The following LRRC4B variants were observed in gnomAD, a reference collection of about 807,000 sequenced individuals.
LRRC4B encodes leucine-rich repeat-containing protein 4B.
A neutral mutation model predicts 7.3 loss-of-function variants in LRRC4B; 1 was observed. That is an observed-to-expected ratio of 0.14 (90% confidence interval 0.05 to 0.65). The LOEUF is 0.65. Among genes scored for constraint, LRRC4B ranks in the 30% least tolerant of loss-of-function variants. The pLI is 0.84. For missense variants in LRRC4B, 730 were observed against 1,041.6 expected (o/e 0.70, Z 4.12); for synonymous variants, 500 against 499.2 (o/e 1.00, Z -0.02).
At chr19:50,540,394 G>A (rs1292659910) in intron 2 of LRRC4B, among the ~76,000 whole-genome samples, 1 of 152,062 alleles carries the variant, frequency 6.6e-6, no homozygotes, top group Admixed American at 6.6e-5. Context: ...ACAGAGTCTT[G>A]CTCTGTTGCC....
At chr19:50,545,966 C>T (rs1203899770) in intron 2 of LRRC4B, among the ~76,000 whole-genome samples, 1 of 151,726 alleles carries the variant, frequency 6.6e-6, no homozygotes, top group Non-Finnish European at 1.5e-5. Context: ...TCAAGCAATC[C>T]ACCTGCCTCA....
chr19:50,564,812 G>T (rs1347951000), intron 1 of LRRC4B, among the ~76,000 whole-genome samples: 3 of 152,020 alleles, frequency 2.0e-5, no homozygotes, highest in Admixed American at 2.0e-4. Flanking sequence ...GTGATTGAGG[G>T]GGTGGGGACC....
At chr19:50,562,827 G>A (rs1331268807) in intron 1 of LRRC4B, among the ~76,000 whole-genome samples, 2 of 148,802 alleles carry the variant, frequency 1.3e-5, no homozygotes, top group Non-Finnish European at 3.0e-5. Flanking sequence ...TGCAACCTCT[G>A]CCTCCCGGGT....
intron 2 of LRRC4B, among the ~76,000 whole-genome samples, chr19:50,529,821 G>A (rs1316249095): frequency 6.6e-6 from 1 of 152,082 alleles, no homozygotes; most frequent in African/African-American, 2.4e-5. Flanking sequence ...AATAAATACA[G>A]AAAGAACAAA....
At position 50,529,965 on chromosome 19, in the gene LRRC4B, G is replaced by T. The variant is rs544257824; in HGVS notation, c.298-10550C>A. 2.3e-4 allele frequency among the ~76,000 whole-genome samples: 35 copies of T among 151,646 alleles called. No individual in the cohort carries two copies. In the South Asian group the frequency reaches 7.3e-3, roughly 32 times the overall value. ...CCACCCTCCCCTCCCTCCCTTCAGG[G>T]TCCCTTTTCTCAGTGGGCCCCCCCT... On this transcript the variant is annotated intron_variant, in intron 2 of 2. Transcript: ENST00000652263.
rs1303710203 is a variant in LRRC4B at position 50,548,754 on chromosome 19, G to T, written c.85C>A (p.Leu29Ile). Residue 29 changes from leucine to isoleucine, a missense_variant, in exon 2 of 3, where the codon CTC (leucine) becomes ATC (isoleucine). Leu to Ile is a conservative substitution (Grantham distance 5). Transcript: ENST00000652263. This position sits in a 1 kb window ranked among gnomAD's most constrained non-coding sequence, Gnocchi z 6.8. ...CCGGCCCCCAGGGGTGGGGAGAAGA[G>T]CCAGAGGAAGAGCAATGCCCCGTGG... ...WPHGALLFLW[L>I]FSPPLGAGGG... is the part of the protein sequence containing the mutation. The T allele has an allele frequency of 1.3e-6, 2 of 1,539,732 alleles. No homozygotes were observed. The highest frequency in any genetic ancestry group is 2.4e-5 in the South Asian group (2 of 83,814).
intron 2 of LRRC4B, among the ~76,000 whole-genome samples, chr19:50,522,939 C>T (rs1325831143): frequency 6.6e-6 from 1 of 152,250 alleles, no homozygotes; most frequent in African/African-American, 2.4e-5. Context: ...TCAAGAGTTT[C>T]ACACGAAGGA....
At chr19:50,534,231 G>A (rs991785730) in intron 2 of LRRC4B, among the ~76,000 whole-genome samples, 1 of 152,222 alleles carries the variant, frequency 6.6e-6, no homozygotes, top group African/African-American at 2.4e-5. Context: ...GGTGTACACA[G>A]ATCGTGGAGG....
At chr19:50,544,621 C>T (rs1467166295) in intron 2 of LRRC4B, among the ~76,000 whole-genome samples, 1 of 152,138 alleles carries the variant, frequency 6.6e-6, no homozygotes, top group Non-Finnish European at 1.5e-5. Context: ...GGGAGGGTGT[C>T]CGAATGCAAA....
chr19:50,526,683 T>TA (rs1397188179), intron 2 of LRRC4B, among the ~76,000 whole-genome samples: 4 of 152,076 alleles, frequency 2.6e-5, no homozygotes, highest in Non-Finnish European at 4.4e-5. Flanking sequence ...TTTCTAAAAT[T>TA]AAAAAAATTG....
At chr19:50,535,861 C>A (rs980910125) in intron 2 of LRRC4B, among the ~76,000 whole-genome samples, 1 of 152,254 alleles carries the variant, frequency 6.6e-6, no homozygotes, top group African/African-American at 2.4e-5. Flanking sequence ...CCGCCTCCCA[C>A]CCTTCCCCAC....
intron 1 of LRRC4B, among the ~76,000 whole-genome samples, chr19:50,558,613 G>A (rs1204722119): frequency 6.6e-6 from 1 of 152,248 alleles, no homozygotes; most frequent in Non-Finnish European, 1.5e-5. Context: ...AGCACTGGTG[G>A]CCACCAGCCA....
chr19:50,538,354 C>T (rs1045692651), intron 2 of LRRC4B, among the ~76,000 whole-genome samples: 11 of 152,108 alleles, frequency 7.2e-5, no homozygotes, highest in Non-Finnish European at 1.2e-4. Context: ...CGAGCCACCG[C>T]GCCCGGCCCT....
intron 2 of LRRC4B, among the ~76,000 whole-genome samples, chr19:50,525,325 G>A (rs147860940): frequency 4.6e-5 from 7 of 151,996 alleles, no homozygotes; most frequent in African/African-American, 9.6e-5. Context: ...TATCGTTGGC[G>A]TTGAGAAACT....
chr19:50,561,439 A>G (rs1473978546), intron 1 of LRRC4B, among the ~76,000 whole-genome samples: 2 of 152,134 alleles, frequency 1.3e-5, no homozygotes, highest in Non-Finnish European at 2.9e-5. Flanking sequence ...CAATGCCTTC[A>G]AAAGTCTAGA....
chr19:50,521,321 A>T (rs990611917), intron 2 of LRRC4B, among the ~76,000 whole-genome samples: 3 of 152,078 alleles, frequency 2.0e-5, no homozygotes, highest in Non-Finnish European at 4.4e-5. Flanking sequence ...GGGTGATTGA[A>T]AGGTGCTACA....
Position 50,519,490 on chromosome 19 carries a change from G to T in LRRC4B, c.298-75C>A. ...TGGGGGGATCACCAAGGTCCCGGGCGCAGGTGGGGCCGTGTGGCTGGATCT... is the reference window on the plus strand; with the variant it reads ...TGGGGGGATCACCAAGGTCCCGGGCTCAGGTGGGGCCGTGTGGCTGGATCT... On this transcript the variant is annotated intron_variant, in intron 2 of 2. Transcript: ENST00000652263. This position sits in a 1 kb window ranked among gnomAD's most constrained non-coding sequence, Gnocchi z 8.1. 6.9e-7 allele frequency: 1 copy of T among 1,459,200 alleles called. No homozygotes were observed. Among genetic ancestry groups the T allele is most frequent in the South Asian group, 1.4e-5 (1 of 71,486 alleles). 90.4% of individuals were successfully genotyped at this position (1,459,200 alleles called of 1,614,324 possible).
chr19:50,564,440 G>A (rs1224825058), intron 1 of LRRC4B, among the ~76,000 whole-genome samples: 1 of 152,036 alleles, frequency 6.6e-6, no homozygotes, highest in Non-Finnish European at 1.5e-5. Flanking sequence ...GTGAGGGCGA[G>A]TGACACAGAG....
Position 50,553,971 on chromosome 19 carries a change from C to T in LRRC4B, c.-35-5098G>A, listed in dbSNP as rs1982187575. On this transcript the variant is annotated intron_variant, in intron 1 of 2. Transcript: ENST00000652263. This position sits in a 1 kb window ranked among gnomAD's most constrained non-coding sequence, Gnocchi z 4.2. ...CCAGGTCCCCTTCCATCCCAGGAGGCCTGCTGGCAGAGGCAGCACCTTTTT... is the reference window on the plus strand; with the variant it reads ...CCAGGTCCCCTTCCATCCCAGGAGGTCTGCTGGCAGAGGCAGCACCTTTTT... Among the ~76,000 whole-genome samples the T allele has an allele frequency of 6.6e-6, 1 of 150,936 alleles. No homozygotes were observed. Among genetic ancestry groups the T allele is most frequent in the Non-Finnish European group, 1.5e-5 (1 of 67,800 alleles).
Sources: gnomAD v4.1 joint callset for allele counts (sites outside exome capture counted in the v4.1 genomes callset) on GRCh38, gnomAD v4.1.1 for gene constraint, Gnocchi (gnomAD v3.1) non-coding constraint, MANE v1.5 for transcripts, NCBI Gene and HGNC (gene_info 2026-07-23, HGNC 2026-07-21) for gene names.